The following COG6 variants were observed in gnomAD, a reference collection of about 807,000 sequenced individuals.
The protein encoded by COG6 is conserved oligomeric Golgi complex subunit 6.
Under a neutral mutation model 88.8 loss-of-function variants are expected in COG6, and 74 were observed. The observed-to-expected ratio is 0.83, with a 90% CI of 0.69 to 1.01. COG6 has a LOEUF of 1.01. Ranked by LOEUF, COG6 falls within the 50% of genes least tolerant of loss-of-function variation. The pLI, the probability that COG6 is intolerant of heterozygous loss-of-function variation, is 0.00. For missense variants in COG6, 800 were observed against 797.9 expected (o/e 1.00, Z -0.03); for synonymous variants, 286 against 278.7 (o/e 1.03, Z -0.26).
chr13:39,739,629 A>T (rs1251586277), intron 18 of COG6, among the ~76,000 whole-genome samples: 2 of 152,108 alleles, frequency 1.3e-5, no homozygotes, highest in Non-Finnish European at 2.9e-5. Context: ...TACTACATAA[A>T]CCAGTTAGAG....
chr13:39,656,882 A>G (rs1344180145), intron 1 of COG6: 2 of 456,018 alleles, frequency 4.4e-6, no homozygotes, highest in Non-Finnish European at 8.8e-6. Flanking sequence ...ACTCAGTGAG[A>G]GACTCCAGGT....
At position 39,750,932 on chromosome 13, in the gene COG6, T is replaced by G. The variant is rs1466499612; in HGVS notation, c.1827-14T>G. On this transcript the variant is annotated splice_polypyrimidine_tract_variant and intron_variant, in intron 18 of 18. Coordinates refer to ENST00000455146, the MANE Select transcript of COG6 (RefSeq NM_020751.3). ...TTCAAATGATGTGTTTACATTTTGT[T>G]TGCTTATCAATAGAGAGCAGATCGT... 1.9e-6 allele frequency: 3 copies of G among 1,609,834 alleles called. No individual in the cohort carries two copies.
intron 18 of COG6, among the ~76,000 whole-genome samples, chr13:39,743,303 A>G (rs1308803417): frequency 6.6e-5 from 10 of 152,314 alleles, no homozygotes; most frequent in Admixed American, 1.3e-4. Context: ...AAAAAAATCA[A>G]TGAATCCAGG....
intron 18 of COG6, among the ~76,000 whole-genome samples, chr13:39,728,452 G>A (rs1195676667): frequency 6.8e-6 from 1 of 147,282 alleles, no homozygotes; most frequent in Non-Finnish European, 1.5e-5. Context: ...ATTAGAATTG[G>A]CTGGAAATCT....
chr13:39,728,266 T>G (rs1384695173), intron 18 of COG6, among the ~76,000 whole-genome samples: 2 of 152,156 alleles, frequency 1.3e-5, no homozygotes, highest in Non-Finnish European at 2.9e-5. Flanking sequence ...TGCGAACAAA[T>G]ATTTACATTG....
At chr13:39,698,221 A>C (rs907845893) in intron 12 of COG6, among the ~76,000 whole-genome samples, 1 of 151,910 alleles carries the variant, frequency 6.6e-6, no homozygotes, top group Non-Finnish European at 1.5e-5. Context: ...GTTCTCTCCA[A>C]ATTTTTCATT....
At chr13:39,713,562 C>T (rs1321074492) in intron 13 of COG6, among the ~76,000 whole-genome samples, 4 of 151,970 alleles carry the variant, frequency 2.6e-5, no homozygotes, top group Non-Finnish European at 4.4e-5. Context: ...GGTGAAACCC[C>T]GTCTCTACTA....
intron 18 of COG6, among the ~76,000 whole-genome samples, chr13:39,780,292 TGTTC>T (rs1881591748): frequency 6.6e-6 from 1 of 152,160 alleles, no homozygotes; most frequent in East Asian, 1.9e-4. Context: ...TAAATTTAAA[TGTTC>T]AGAACTTTGC....
chr13:39,709,215 C>T (rs528063472), intron 13 of COG6, among the ~76,000 whole-genome samples: 1 of 152,320 alleles, frequency 6.6e-6, no homozygotes, highest in Non-Finnish European at 1.5e-5. Context: ...ATATCCAGGT[C>T]TGCCTAATTG....
chr13:39,767,876 A>G (rs1881213110), intron 18 of COG6, among the ~76,000 whole-genome samples: 1 of 152,212 alleles, frequency 6.6e-6, no homozygotes, highest in Admixed American at 6.5e-5. Flanking sequence ...ATAGAAAAGC[A>G]TTGCTAAACT....
At chr13:39,730,761 A>T (rs1593458210) in intron 18 of COG6, among the ~76,000 whole-genome samples, 1 of 128,098 alleles carries the variant, frequency 7.8e-6, no homozygotes, top group African/African-American at 3.1e-5. Context: ...GCGACAGAGC[A>T]AGACTCCATC....
intron 18 of COG6, among the ~76,000 whole-genome samples, chr13:39,775,175 A>T (rs1033877270): frequency 6.6e-6 from 1 of 152,104 alleles, no homozygotes; most frequent in East Asian, 1.9e-4. Context: ...TTCGTTTGTC[A>T]TCTGTTACCT....
chr13:39,700,289 G>T (rs775859283), intron 13 of COG6, among the ~76,000 whole-genome samples: 2 of 151,786 alleles, frequency 1.3e-5, no homozygotes, highest in Non-Finnish European at 2.9e-5. Context: ...TAATAGGCTA[G>T]CTATATTAGG....
chr13:39,678,123 G>A (rs1210768559), intron 5 of COG6: 1 of 434,814 alleles, frequency 2.3e-6, no homozygotes, highest in Non-Finnish European at 4.6e-6. Flanking sequence ...CTGGAGTGCA[G>A]TAGCACGAAC....
Position 39,791,271 on chromosome 13 carries a change from G to A in COG6, c.*2915G>A, listed in dbSNP as rs551495685. On this transcript the variant is annotated 3_prime_UTR_variant, in exon 19 of 19. Transcript: ENST00000416691. ...TTAAGATTTTAAAAATCTAGAATGG[G>A]TATTATTATATTGTATTGAAGCTCT... 1.7e-4 allele frequency: 26 copies of A among 152,014 alleles called. No individual in the cohort carries two copies. The South Asian group carries it at 5.2e-3, about 30-fold the overall frequency. 9.4% of individuals were successfully genotyped at this position (152,014 alleles called of 1,614,324 possible). A position where few individuals can be genotyped will look rare whatever the true frequency, so the allele number is the denominator to read the frequency against.
At chr13:39,656,966 G>T in intron 1 of COG6, 1 of 446,622 alleles carries the variant, frequency 2.2e-6, no homozygotes, top group South Asian at 1.6e-5. Context: ...TTTATGAAGT[G>T]TTTAATGTGT....
At chr13:39,784,829 G>T (rs528284514) in intron 18 of COG6, among the ~76,000 whole-genome samples, 1 of 152,292 alleles carries the variant, frequency 6.6e-6, no homozygotes, top group South Asian at 2.1e-4. Context: ...CAGAGTATGG[G>T]TGCTGAGATG....
intron 3 of COG6, 66 bp from the exon 4 acceptor site, chr13:39,665,030 A>G (rs1875160957): frequency 3.9e-6 from 3 of 777,464 alleles, no homozygotes; most frequent in Non-Finnish European, 6.9e-6. Flanking sequence ...AGTAAGTGGT[A>G]GTATTTGTTT....
At position 39,723,395 on chromosome 13, in the gene COG6, C is replaced by T. The variant is rs1345572957; in HGVS notation, c.1647C>T (p.Gly549=). 20 of 1,610,928 alleles carry T rather than the reference C, an allele frequency of 1.2e-5. No homozygotes were observed. Among genetic ancestry groups the T allele is most frequent in the Non-Finnish European group, 1.4e-5 (17 of 1,177,512 alleles). The change falls in exon 16 of 19, where the codon GGC becomes GGT. Residue 549 remains glycine, a synonymous_variant. Coordinates refer to ENST00000455146, the MANE Select transcript of COG6 (RefSeq NM_020751.3). ...CCTCTTATGTTTTAACTAGGGTAGG[C>T]TTGAGTTACATCTATAACACTGTAC... ...EQASYVLTRV[G]LSYIYNTVQQ... is the part of the protein sequence containing the mutation.
Sources: gnomAD v4.1 joint callset for allele counts (sites outside exome capture counted in the v4.1 genomes callset) on GRCh38, gnomAD v4.1.1 for gene constraint, MANE v1.5 for transcripts, NCBI Gene and HGNC (gene_info 2026-07-23, HGNC 2026-07-21) for gene names.